LSAMP: variants seen among roughly 807,000 people sequenced by gnomAD.
The protein encoded by LSAMP is limbic system-associated membrane protein.
A neutral mutation model predicts 38.6 loss-of-function variants in LSAMP; 7 were observed. The ratio of observed to expected loss-of-function variants is 0.18; its 90% CI spans 0.10 to 0.34. LSAMP has a LOEUF of 0.34. Among genes scored for constraint, LSAMP ranks in the 10% least tolerant of loss-of-function variants. The pLI is 1.00. For synonymous variants in LSAMP, 154 were observed against 166.8 expected (o/e 0.92, Z 0.59); for missense variants, 313 against 420.0 (o/e 0.75, Z 2.23).
intron 6 of LSAMP, chr3:115,816,477 A>C: frequency 2.3e-6 from 1 of 442,536 alleles, no homozygotes; most frequent in African/African-American, 2.1e-5. Flanking sequence ...CACAATTTGG[A>C]AAAAACAGTG....
intron 1 of LSAMP, among the ~76,000 whole-genome samples, chr3:116,330,055 A>C (rs1226303058): frequency 6.6e-6 from 1 of 152,174 alleles, no homozygotes; most frequent in Non-Finnish European, 1.5e-5. Context: ...TAATCTTTGC[A>C]TAGTGTTCAG....
At chr3:115,856,831 A>G (rs930753500) in intron 3 of LSAMP, among the ~76,000 whole-genome samples, 2 of 152,172 alleles carry the variant, frequency 1.3e-5, no homozygotes, top group African/African-American at 4.8e-5. Flanking sequence ...AGTCTATGGT[A>G]TTTTTGTTAT....
chr3:116,032,861 A>T (rs1940959384), intron 2 of LSAMP, among the ~76,000 whole-genome samples: 2 of 152,170 alleles, frequency 1.3e-5, no homozygotes, highest in Admixed American at 6.6e-5. Flanking sequence ...AGATGCTGTC[A>T]TATTGATTAA....
chr3:116,272,149 AATATAT>A (rs148831827), intron 1 of LSAMP, among the ~76,000 whole-genome samples: 4 of 150,440 alleles, frequency 2.7e-5, no homozygotes, highest in South Asian at 2.1e-4. Context: ...TAAACAAATA[AATATAT>A]ATATATATAA....
chr3:116,090,986 A>G (rs1576356780), intron 1 of LSAMP, among the ~76,000 whole-genome samples: 1 of 152,192 alleles, frequency 6.6e-6, no homozygotes, highest in East Asian at 1.9e-4. Context: ...CGTCTGACCA[A>G]AATTTATTAG....
chr3:116,132,467 T>C (rs768434853), intron 1 of LSAMP, among the ~76,000 whole-genome samples: 19 of 152,184 alleles, frequency 1.2e-4, no homozygotes, highest in Non-Finnish European at 2.1e-4. Flanking sequence ...TAATAAGCCA[T>C]GTTGATTCAT....
At chr3:116,180,684 G>A (rs931402876) in intron 1 of LSAMP, among the ~76,000 whole-genome samples, 3 of 152,144 alleles carry the variant, frequency 2.0e-5, no homozygotes, top group Non-Finnish European at 4.4e-5. Context: ...ACATACAAAA[G>A]TTATGCTTTC....
chr3:116,095,099 A>AC (rs1708197798), intron 1 of LSAMP, among the ~76,000 whole-genome samples: 1 of 152,182 alleles, frequency 6.6e-6, no homozygotes, highest in Non-Finnish European at 1.5e-5. Context: ...GTGTGATGAA[A>AC]CCCACTAAAC....
rs2046406271 is a variant in LSAMP, at chr3:116,231,924, TAG to T, written c.156-145370_156-145369del. ...TTTATTGCACTTTAACAATATCTGG[TAG>T]ATCTCTTAACTTCTGTTTGGTGTTC... On this transcript the variant is annotated intron_variant, in intron 1 of 6. Transcript: ENST00000490035. Among the ~76,000 whole-genome samples the T allele has an allele frequency of 2.0e-5, 3 of 152,332 alleles. No individual in the cohort carries two copies. The South Asian group carries it at 6.2e-4, about 32-fold the overall frequency.
At position 116,089,044 on chromosome 3, in the gene LSAMP, C is replaced by T. The variant is rs117283051; in HGVS notation, c.156-2488G>A. 3.2e-3 allele frequency among the ~76,000 whole-genome samples: 491 copies of T among 152,262 alleles called. 21 individuals are homozygous for T. The East Asian group carries it at 0.076, about 24-fold the overall frequency. ...ACAATATAAGGTAAAGTTTATAAGTCGGGTCTTTATGGTCCTTTGACATTT... is the reference window on the plus strand; with the variant it reads ...ACAATATAAGGTAAAGTTTATAAGTTGGGTCTTTATGGTCCTTTGACATTT... On this transcript the variant is annotated intron_variant, in intron 1 of 6. Transcript: ENST00000490035.
intron 1 of LSAMP, among the ~76,000 whole-genome samples, chr3:116,183,563 A>G (rs767725221): frequency 7.9e-5 from 12 of 151,862 alleles, no homozygotes; most frequent in Admixed American, 3.3e-4. Context: ...GTTACTTTAC[A>G]TTTTAGAGCA....
At chr3:115,923,082 T>C (rs1937419852) in intron 3 of LSAMP, among the ~76,000 whole-genome samples, 1 of 152,172 alleles carries the variant, frequency 6.6e-6, no homozygotes, top group South Asian at 2.1e-4. Context: ...CAAATTGTGT[T>C]CTCTTTCCTG....
At chr3:115,930,661 C>T (rs1368448862) in intron 3 of LSAMP, among the ~76,000 whole-genome samples, 3 of 152,290 alleles carry the variant, frequency 2.0e-5, no homozygotes, top group African/African-American at 4.8e-5. Context: ...GAAACATGCA[C>T]CTGTATAAAT....
rs1212655493 is a variant in LSAMP at position 115,804,165 on chromosome 3, T to G, written c.*6152A>C. The G allele has an allele frequency of 6.6e-6, 1 of 152,164 alleles. No individual in the cohort carries two copies. The highest frequency in any genetic ancestry group is 1.5e-5 in the Non-Finnish European group (1 of 68,028). 9.4% of individuals were successfully genotyped at this position (152,164 alleles called of 1,614,324 possible). A position where few individuals can be genotyped will look rare whatever the true frequency, so the allele number is the denominator to read the frequency against. ...CCCTGTATTCTAGCAGTTTTGGGTT[T>G]AGAAATGAAGACGGTAGAATGATAG... On this transcript the variant is annotated 3_prime_UTR_variant, in exon 7 of 7. Coordinates refer to ENST00000490035, the MANE Select transcript of LSAMP (RefSeq NM_002338.5).
intron 1 of LSAMP, among the ~76,000 whole-genome samples, chr3:116,418,517 A>C (rs1315931333): frequency 6.6e-6 from 1 of 151,820 alleles, no homozygotes; most frequent in East Asian, 1.9e-4. Flanking sequence ...TTTCAATGCC[A>C]CACTTACTAT....
intron 1 of LSAMP, among the ~76,000 whole-genome samples, chr3:116,118,906 A>C (rs1157287775): frequency 6.6e-6 from 1 of 152,230 alleles, no homozygotes; most frequent in Non-Finnish European, 1.5e-5. Flanking sequence ...CATGCAGATC[A>C]GTGCTTTTCA....
At chr3:116,376,879 G>A (rs186482406) in intron 1 of LSAMP, among the ~76,000 whole-genome samples, 13 of 151,990 alleles carry the variant, frequency 8.6e-5, no homozygotes, top group African/African-American at 2.4e-4. Flanking sequence ...ATCCCAACTC[G>A]TAACTCTGTA....
chr3:116,123,743 T>G (rs1354496590), intron 1 of LSAMP, among the ~76,000 whole-genome samples: 2 of 152,224 alleles, frequency 1.3e-5, no homozygotes, highest in Non-Finnish European at 2.9e-5. Flanking sequence ...ACGGTAGATA[T>G]TAATCAGACT....
In LSAMP at chr3:116,190,877, C is replaced by T. The variant is rs538466246; in HGVS notation, c.156-104321G>A. Among the ~76,000 whole-genome samples the T allele has an allele frequency of 3.8e-3, 582 of 152,258 alleles. 3 individuals are homozygous for T. The highest frequency in any genetic ancestry group is 5.7e-3 in the Non-Finnish European group (391 of 68,018). The stretch of plus-strand genomic sequence containing the variant: ...CCACTGGTCTTCCTAGAGTTCACGT[C>T]TATTCCAGCTTCAACATGTGCTACT... On this transcript the variant is annotated intron_variant, in intron 1 of 6. Coordinates refer to ENST00000490035, the MANE Select transcript of LSAMP (RefSeq NM_002338.5).
Sources: allele counts gnomAD v4.1 joint callset (sites outside exome capture counted in the v4.1 genomes callset), GRCh38; gene constraint gnomAD v4.1.1; transcripts MANE v1.5; gene names NCBI Gene and HGNC (gene_info 2026-07-23, HGNC 2026-07-21).